Variants in UNC13C observed in about 807,000 individuals in gnomAD.
UNC13C encodes the protein unc-13 homolog C, also known as protein unc-13 homolog C.
UNC13C carries 174 observed loss-of-function variants against 245.4 expected under a neutral mutation model. The ratio of observed to expected loss-of-function variants is 0.71; its 90% CI spans 0.63 to 0.80. The LOEUF is 0.80. Ranked by LOEUF, UNC13C falls within the 30% of genes least tolerant of loss-of-function variation. UNC13C has a pLI of 0.00. For missense variants in UNC13C, 2,829 were observed against 2,602.9 expected, an observed-to-expected ratio of 1.09 and a Z score of -1.89; for synonymous variants, 992 against 895.1, an observed-to-expected ratio of 1.11 and a Z score of -1.93.
intron 1 of UNC13C, among the ~76,000 whole-genome samples, chr15:53,996,498 A>G (rs949652877): frequency 2.6e-5 from 4 of 152,148 alleles, no homozygotes; most frequent in African/African-American, 9.7e-5. Flanking sequence ...TTGGAGTACA[A>G]TTTACAGTGA....
intron 2 of UNC13C, among the ~76,000 whole-genome samples, chr15:54,124,093 T>A (rs1359923831): frequency 6.6e-6 from 1 of 152,234 alleles, no homozygotes; most frequent in Non-Finnish European, 1.5e-5. Flanking sequence ...GTTTAACTAT[T>A]GATCTGTTAA....
rs539768853 is a variant in UNC13C, at chr15:54,610,681, A to G, written c.6107-11646A>G. Among the ~76,000 whole-genome samples the G allele has an allele frequency of 4.6e-5, 7 of 152,338 alleles. No individual in the cohort carries two copies. The South Asian group carries it at 1.4e-3, about 32-fold the overall frequency. ...GGTAACTCATTTAATCTTTACAACA[A>G]TTGAAATAGGTAAGAACTATTACTC... On this transcript the variant is annotated intron_variant, in intron 30 of 32. Transcript: ENST00000260323.
At chr15:54,107,972 A>ACT (rs1900532367) in intron 2 of UNC13C, among the ~76,000 whole-genome samples, 1 of 152,196 alleles carries the variant, frequency 6.6e-6, no homozygotes, top group African/African-American at 2.4e-5. Flanking sequence ...CAAAGGCAAA[A>ACT]GAGTGACGGT....
the UNC13C span, among the ~76,000 whole-genome samples, chr15:53,890,402 A>C: frequency 7.2e-5 from 11 of 152,228 alleles, 1 homozygote; most frequent in South Asian, 2.3e-3. Context: ...TGGCCTCCCA[A>C]AGTGCTGGGA....
intron 17 of UNC13C, among the ~76,000 whole-genome samples, chr15:54,352,314 T>TAA (rs2039001034): frequency 7.2e-6 from 1 of 138,984 alleles, no homozygotes; most frequent in East Asian, 2.1e-4. Context: ...TTAATATATA[T>TAA]TTTATATAAA....
At chr15:54,487,100 T>C (rs1422908845) in intron 19 of UNC13C, among the ~76,000 whole-genome samples, 1 of 152,198 alleles carries the variant, frequency 6.6e-6, no homozygotes, top group Non-Finnish European at 1.5e-5. Flanking sequence ...AACATACTCA[T>C]AGATCTAGGC....
chr15:54,564,930 G>A (rs1897445221), intron 29 of UNC13C, among the ~76,000 whole-genome samples: 1 of 151,876 alleles, frequency 6.6e-6, no homozygotes, highest in South Asian at 2.1e-4. Context: ...AATTATACTT[G>A]GAGAACTACA....
intron 13 of UNC13C, among the ~76,000 whole-genome samples, chr15:54,307,706 CT>C (rs2037762877): frequency 6.6e-6 from 1 of 151,914 alleles, no homozygotes; most frequent in South Asian, 2.1e-4. Flanking sequence ...CCTTCAACTT[CT>C]GTCTTCCTCT....
At chr15:54,591,449 A>G (rs556626180) in intron 30 of UNC13C, among the ~76,000 whole-genome samples, 9 of 152,252 alleles carry the variant, frequency 5.9e-5, no homozygotes, top group East Asian at 5.8e-4. Flanking sequence ...CGTTCTAATT[A>G]TCATTTCAAT....
chr15:53,897,703 T>C, the UNC13C span, among the ~76,000 whole-genome samples: 3 of 152,246 alleles, frequency 2.0e-5, no homozygotes, highest in Non-Finnish European at 4.4e-5. Flanking sequence ...TTCCTGAATT[T>C]CCTTGATGAG....
At position 54,047,525 on chromosome 15, in the gene UNC13C, T is replaced by C. The variant is rs539713561; in HGVS notation, c.2983+31639T>C. Among the ~76,000 whole-genome samples the C allele has an allele frequency of 5.3e-5, 8 of 152,258 alleles. 1 individual carries two copies. Among genetic ancestry groups the C allele is most frequent in the African/African-American group, 1.9e-4 (8 of 41,554 alleles). On this transcript the variant is annotated intron_variant, in intron 2 of 32. Coordinates refer to ENST00000260323, the MANE Select transcript of UNC13C (RefSeq NM_001080534.3). ...TCATAATTGATCTTTTGTGTCTGGC[T>C]TATGTCACTAAGCATAGGTTTTCAA...
In UNC13C at chr15:54,608,049, A is replaced by G. The variant is rs561212306; in HGVS notation, c.6107-14278A>G. The stretch of plus-strand genomic sequence containing the variant: ...AAGCCAGTTTCTCTCCACTAAACAG[A>G]TGAAGTTCAAGATTTTTAGAAGACA... On this transcript the variant is annotated intron_variant, in intron 30 of 32. Coordinates refer to ENST00000260323, the MANE Select transcript of UNC13C (RefSeq NM_001080534.3). Among the ~76,000 whole-genome samples, 266 of 152,314 alleles carry G rather than the reference A, an allele frequency of 1.7e-3. 1 individual carries two copies. The highest frequency in any genetic ancestry group is 6.1e-3 in the African/African-American group (255 of 41,556).
chr15:53,860,566 A>T, the UNC13C span, among the ~76,000 whole-genome samples: 2 of 152,136 alleles, frequency 1.3e-5, no homozygotes, highest in Non-Finnish European at 2.9e-5. Context: ...CTGAAATCTG[A>T]ATCTCTCTTA....
the UNC13C span, among the ~76,000 whole-genome samples, chr15:53,915,547 A>C: frequency 7.7e-4 from 117 of 152,342 alleles, 1 homozygote; most frequent in Non-Finnish European, 4.4e-5. Flanking sequence ...TAATGTTTTC[A>C]TATAAATAAA....
At chr15:54,090,621 A>G (rs950253059) in intron 2 of UNC13C, among the ~76,000 whole-genome samples, 2 of 152,196 alleles carry the variant, frequency 1.3e-5, no homozygotes, top group Admixed American at 6.5e-5. Flanking sequence ...ATCACCAGGA[A>G]GTTATTCTGT....
intron 30 of UNC13C, among the ~76,000 whole-genome samples, chr15:54,616,525 G>A (rs940690716): frequency 4.6e-5 from 7 of 152,008 alleles, no homozygotes; most frequent in African/African-American, 1.7e-4. Context: ...TTCTGACCCT[G>A]TGTAGGCCTG....
At chr15:54,137,109 G>A (rs768605504) in intron 2 of UNC13C, among the ~76,000 whole-genome samples, 4 of 152,142 alleles carry the variant, frequency 2.6e-5, no homozygotes, top group Non-Finnish European at 5.9e-5. Context: ...CTGCCAAAGT[G>A]GATTACAGGC....
intron 19 of UNC13C, among the ~76,000 whole-genome samples, chr15:54,432,516 A>G (rs1174242749): frequency 6.6e-6 from 1 of 152,060 alleles, no homozygotes; most frequent in Non-Finnish European, 1.5e-5. Context: ...AAATAACAAA[A>G]TTAAAGCAGA....
intron 17 of UNC13C, among the ~76,000 whole-genome samples, chr15:54,386,076 C>T (rs995742604): frequency 2.0e-5 from 3 of 152,084 alleles, no homozygotes; most frequent in Non-Finnish European, 4.4e-5. Flanking sequence ...TAAAAGTTAG[C>T]TCCATATTAT....
Sources: allele counts gnomAD v4.1 joint callset (sites outside exome capture counted in the v4.1 genomes callset), GRCh38; gene constraint gnomAD v4.1.1; transcripts MANE v1.5; gene names NCBI Gene and HGNC (gene_info 2026-07-23, HGNC 2026-07-21).